The following SLCO2B1 variants were observed in gnomAD, a reference collection of about 807,000 sequenced individuals.
The protein encoded by SLCO2B1 is OATP-RP2.
SLCO2B1 carries 41 observed loss-of-function variants against 67.3 expected under a neutral mutation model. That is an observed-to-expected ratio of 0.61 (90% CI 0.47 to 0.79). The LOEUF is 0.79. SLCO2B1 is among the 30% of genes least tolerant of loss of function. The probability of loss-of-function intolerance (pLI) is 0.00; values close to 1 mark genes in which losing one functional copy is unlikely to be tolerated. For missense variants in SLCO2B1, 837 were observed against 920.1 expected (o/e 0.91, Z 1.17); for synonymous variants, 379 against 381.4 (o/e 0.99, Z 0.07).
chr11:75,193,087 G>A lies in SLCO2B1; in HGVS notation c.1076-131G>A. ...GGAGTCAAGTGGGATAAAATTGATT[G>A]CAATAGAATTAAGTGGAATGGGGCG... is the stretch of plus-strand genomic sequence containing the variant. On this transcript the variant is annotated intron_variant, in intron 8 of 13. Coordinates refer to ENST00000289575, the MANE Select transcript of SLCO2B1 (RefSeq NM_007256.5). The surrounding 1 kb of genome is among the most constrained non-coding windows in gnomAD (Gnocchi z 4.2). 1 of 658,754 alleles carries A rather than the reference G, an allele frequency of 1.5e-6. No homozygotes were observed. Among genetic ancestry groups the A allele is most frequent in the East Asian group, 2.6e-5 (1 of 39,112 alleles). 40.8% of individuals were successfully genotyped at this position (658,754 alleles called of 1,614,324 possible). A position where few individuals can be genotyped will look rare whatever the true frequency, so the allele number is the denominator to read the frequency against.
At chr11:75,197,710 T>C (rs915730817) in intron 10 of SLCO2B1, among the ~76,000 whole-genome samples, 2 of 152,056 alleles carry the variant, frequency 1.3e-5, no homozygotes, top group African/African-American at 4.8e-5. Flanking sequence ...TAGCGAGCAT[T>C]CAGTCAGTCA....
intron 1 of SLCO2B1, among the ~76,000 whole-genome samples, chr11:75,153,256 T>C (rs1217774169): frequency 5.9e-5 from 9 of 152,186 alleles, no homozygotes. Flanking sequence ...GATGACCTTC[T>C]CTTTGAGGTT....
At chr11:75,172,941 A>T (rs954660417) in intron 7 of SLCO2B1, among the ~76,000 whole-genome samples, 3 of 151,776 alleles carry the variant, frequency 2.0e-5, no homozygotes, top group Admixed American at 6.6e-5. Context: ...AAAAAAAAAA[A>T]ATTACACTGC....
At chr11:75,191,276 G>A (rs1945019955) in intron 8 of SLCO2B1, among the ~76,000 whole-genome samples, 1 of 152,120 alleles carries the variant, frequency 6.6e-6, no homozygotes, top group Non-Finnish European at 1.5e-5. Flanking sequence ...ATGCAGTAGG[G>A]GCACCTGTAC....
Position 75,172,626 on chromosome 11 carries a change from C to T in SLCO2B1, c.972+57C>T, listed in dbSNP as rs535571111. ...CAGGCTCCAGCACCACCCACTTGTT[C>T]TCCTTTGTAACATTACACTTCGGCT... On this transcript the variant is annotated intron_variant, in intron 7 of 13. Transcript: ENST00000289575. The T allele has an allele frequency of 2.7e-6, 4 of 1,487,390 alleles. No individual in the cohort carries two copies. In the African/African-American group the frequency reaches 4.1e-5, roughly 15 times the overall value. 92.1% of individuals were successfully genotyped at this position (1,487,390 alleles called of 1,614,324 possible).
Position 75,164,081 on chromosome 11 carries a change from T to A in SLCO2B1, c.266T>A (p.Leu89Gln), listed in dbSNP as rs560919223. ...GGCCTCTCCAGCCAGACGTCGGGGC[T>A]GCTGGCCTCCTTCAACGAGGTACAG... is the stretch of plus-strand genomic sequence containing the variant. Reference protein sequence around the residue: ...RFGLSSQTSGLLASFNEVGNT... With the variant: ...RFGLSSQTSGQLASFNEVGNT... Residue 89 changes from leucine (L) to glutamine (Q), a missense_variant, in exon 3 of 14, where the codon CTG becomes CAG. Coordinates refer to ENST00000289575, the MANE Select transcript of SLCO2B1 (RefSeq NM_007256.5). 2 of 1,608,346 alleles carry A rather than the reference T, an allele frequency of 1.2e-6. No homozygotes were observed. The highest frequency in any genetic ancestry group is 1.7e-6 in the Non-Finnish European group (2 of 1,177,802).
chr11:75,203,103 C>A lies in SLCO2B1; in HGVS notation c.1828+138C>A, dbSNP rs76261799. ...CAAGCTCATGGGGTGACAGACCTGG[C>A]CCAGCTCTCCTAGAGCGGGGTATAG... On this transcript the variant is annotated intron_variant, in intron 12 of 13. Coordinates refer to ENST00000289575, the MANE Select transcript of SLCO2B1 (RefSeq NM_007256.5). 1.1e-5 allele frequency: 13 copies of A among 1,134,868 alleles called. No individual in the cohort carries two copies. In the South Asian group the frequency reaches 1.5e-4, roughly 13 times the overall value. 70.3% of individuals were successfully genotyped at this position (1,134,868 alleles called of 1,614,324 possible).
At chr11:75,151,474 G>A (rs369068857) in intron 1 of SLCO2B1, 77 bp downstream of exon 1, 86 of 1,523,460 alleles carry the variant, frequency 5.6e-5, no homozygotes, top group South Asian at 3.8e-4. Context: ...GGGTGAGGCC[G>A]TAGAGCCAGA....
chr11:75,151,307 T>C lies in SLCO2B1; in HGVS notation c.-75T>C. On this transcript the variant is annotated 5_prime_UTR_variant, in exon 1 of 14. Transcript: ENST00000289575. ...TGTCTCCAGGAGCCCCTGAGAAGAT[T>C]TGCTTCCTCTCCCCTGCTAAGCTCC... 7.0e-7 allele frequency: 1 copy of C among 1,424,884 alleles called. No homozygotes were observed. The highest frequency in any genetic ancestry group is 9.8e-7 in the Non-Finnish European group (1 of 1,020,482). The allele number at this position is 1,424,884 out of a possible 1,614,324, so 88.3% of individuals were successfully genotyped here. A position where few individuals can be genotyped will look rare whatever the true frequency, so the allele number is the denominator to read the frequency against.
chr11:75,188,981 A>G (rs1403014794), intron 8 of SLCO2B1, among the ~76,000 whole-genome samples: 3 of 152,194 alleles, frequency 2.0e-5, no homozygotes, highest in African/African-American at 7.2e-5. Flanking sequence ...TCAAATTTCC[A>G]GACAGTGGCA....
chr11:75,174,717 G>A (rs980313803), intron 7 of SLCO2B1, among the ~76,000 whole-genome samples: 3 of 152,340 alleles, frequency 2.0e-5, no homozygotes, highest in African/African-American at 7.2e-5. Context: ...GTGGAGTGAT[G>A]TTTATAAAGG....
intron 7 of SLCO2B1, among the ~76,000 whole-genome samples, chr11:75,172,928 C>CA (rs59869396): frequency 0.18 from 25,607 of 140,380 alleles, 2,663 homozygotes; most frequent in East Asian, 0.35. Context: ...GACTCCGTCT[C>CA]AAAAAAAAAA....
intron 6 of SLCO2B1, among the ~76,000 whole-genome samples, 154 bp from the exon 7 acceptor site, chr11:75,172,225 C>T (rs1949968813): frequency 1.3e-5 from 2 of 152,198 alleles, no homozygotes; most frequent in Admixed American, 6.5e-5. Flanking sequence ...TGCCCAGGGT[C>T]ACACAGGACA....
intron 7 of SLCO2B1, among the ~76,000 whole-genome samples, chr11:75,186,250 C>T (rs1197822122): frequency 6.6e-6 from 1 of 151,670 alleles, no homozygotes; most frequent in Admixed American, 6.6e-5. Flanking sequence ...GCTCTGTTGC[C>T]CAGGCTGGAG....
At chr11:75,160,777 A>G (rs1223102582) in intron 1 of SLCO2B1, among the ~76,000 whole-genome samples, 1 of 152,244 alleles carries the variant, frequency 6.6e-6, no homozygotes, top group Non-Finnish European at 1.5e-5. Flanking sequence ...ACCTGTTTGT[A>G]TAGACATTTC....
Position 75,172,579 on chromosome 11 carries a change from C to T in SLCO2B1, c.972+10C>T. Reference sequence around the variant, plus strand: ...CTCACCTGCCAGGAAGGTAAGCTCCCTCCATGTCACCTGACTGGGTCCAGG... The same window carrying T: ...CTCACCTGCCAGGAAGGTAAGCTCCTTCCATGTCACCTGACTGGGTCCAGG... On this transcript the variant is annotated intron_variant, in intron 7 of 13. Coordinates refer to ENST00000289575, the MANE Select transcript of SLCO2B1 (RefSeq NM_007256.5). The T allele has an allele frequency of 1.9e-6, 3 of 1,610,426 alleles. No homozygotes were observed. Among genetic ancestry groups the T allele is most frequent in the Non-Finnish European group, 8.5e-7 (1 of 1,177,336 alleles).
intron 8 of SLCO2B1, among the ~76,000 whole-genome samples, chr11:75,191,728 G>A (rs1565547086): frequency 6.6e-6 from 1 of 152,146 alleles, no homozygotes; most frequent in Non-Finnish European, 1.5e-5. Flanking sequence ...CAAGTGTTTT[G>A]CTCCTCTCCC....
intron 7 of SLCO2B1, among the ~76,000 whole-genome samples, chr11:75,176,262 C>T (rs190607016): frequency 2.0e-5 from 3 of 152,190 alleles, no homozygotes; most frequent in Non-Finnish European, 4.4e-5. Context: ...CCGCCATGCC[C>T]TCTGGTCCTT....
In SLCO2B1 at chr11:75,193,650, C is replaced by G; in HGVS notation, c.1433+75C>G. 7.3e-7 allele frequency: 1 copy of G among 1,364,026 alleles called. No homozygotes were observed. Among genetic ancestry groups the G allele is most frequent in the Non-Finnish European group, 9.9e-7 (1 of 1,012,912 alleles). 84.5% of individuals were successfully genotyped at this position (1,364,026 alleles called of 1,614,324 possible). A position where few individuals can be genotyped will look rare whatever the true frequency, so the allele number is the denominator to read the frequency against. On this transcript the variant is annotated intron_variant, in intron 9 of 13. Transcript: ENST00000289575. This position sits in a 1 kb window ranked among gnomAD's most constrained non-coding sequence, Gnocchi z 4.2. ...GGAGGACAGGGGCCCTGGGCAGAGGCCAGGATGGCAGGGCAACCCCTGCCT... is the reference window on the plus strand; with the variant it reads ...GGAGGACAGGGGCCCTGGGCAGAGGGCAGGATGGCAGGGCAACCCCTGCCT...
Sources: gnomAD v4.1 joint callset for allele counts (sites outside exome capture counted in the v4.1 genomes callset) on GRCh38, gnomAD v4.1.1 for gene constraint, Gnocchi (gnomAD v3.1) non-coding constraint, MANE v1.5 for transcripts, NCBI Gene and HGNC (gene_info 2026-07-23, HGNC 2026-07-21) for gene names.